The following CLMP variants were observed in gnomAD, a reference collection of about 807,000 sequenced individuals.
CLMP encodes the protein CXADR-like membrane protein.
In CLMP, 27 loss-of-function variants were observed where a neutral mutation model predicts 45.2. The ratio of observed to expected loss-of-function variants is 0.60; its 90% CI spans 0.44 to 0.82. CLMP has a LOEUF of 0.82. Among genes scored for constraint, CLMP ranks in the 40% least tolerant of loss-of-function variants. CLMP has a pLI of 0.00. For synonymous variants in CLMP, 167 were observed against 171.4 expected, an observed-to-expected ratio of 0.97 and a Z score of 0.20; for missense variants, 403 against 448.4, an observed-to-expected ratio of 0.90 and a Z score of 0.91.
At chr11:123,085,595 T>TAA (rs35921171) in intron 2 of CLMP, among the ~76,000 whole-genome samples, 36 of 82,086 alleles carry the variant, frequency 4.4e-4, no homozygotes, top group African/African-American at 1.0e-3. Flanking sequence ...GCTACAAAGA[T>TAA]AAAAAAAAAA....
chr11:123,127,847 G>A (rs1860921213), intron 1 of CLMP, among the ~76,000 whole-genome samples: 1 of 152,072 alleles, frequency 6.6e-6, no homozygotes, highest in African/African-American at 2.4e-5. Context: ...CACCAGCCTG[G>A]CCAACATGGC....
At chr11:123,171,822 T>G (rs958017349) in intron 1 of CLMP, among the ~76,000 whole-genome samples, 4 of 152,312 alleles carry the variant, frequency 2.6e-5, no homozygotes, top group Non-Finnish European at 5.9e-5. Context: ...TTTAGATGTT[T>G]AAAGTAATAC....
At chr11:123,110,983 A>G (rs565110710) in intron 1 of CLMP, among the ~76,000 whole-genome samples, 2 of 152,212 alleles carry the variant, frequency 1.3e-5, no homozygotes, top group South Asian at 2.1e-4. Context: ...TTTTCTAACT[A>G]TAATATTCTA....
chr11:123,150,480 A>AAGGAAGG (rs1565397435), intron 1 of CLMP, among the ~76,000 whole-genome samples: 84 of 40,874 alleles, frequency 2.1e-3, no homozygotes, highest in Middle Eastern at 0.023. Context: ...AGAAAGAAAG[A>AAGGAAGG]AAGGAAGGAA....
chr11:123,089,343 C>T (rs1224643269), intron 2 of CLMP, among the ~76,000 whole-genome samples: 1 of 151,396 alleles, frequency 6.6e-6, no homozygotes, highest in Non-Finnish European at 1.5e-5. Flanking sequence ...CGAGATCATG[C>T]CACTGCACTT....
intron 5 of CLMP, among the ~76,000 whole-genome samples, chr11:123,082,283 CAT>C (rs1400648187): frequency 6.6e-6 from 1 of 152,236 alleles, no homozygotes; most frequent in African/African-American, 2.4e-5. Context: ...GGCTAATTCA[CAT>C]GTTTGTAAAT....
In CLMP at chr11:123,142,749, C is replaced by T. The variant is rs553444283; in HGVS notation, c.29-44797G>A. ...TCACGCCATTCTCCTGCCTCAGCCT[C>T]CCGAGTAGCTGGGACTACAGGCGCC... On this transcript the variant is annotated intron_variant, in intron 1 of 6. Transcript: ENST00000448775. Among the ~76,000 whole-genome samples, 6 of 138,956 alleles carry T rather than the reference C, an allele frequency of 4.3e-5. No individual in the cohort carries two copies. In the East Asian group the frequency reaches 1.3e-3, roughly 29 times the overall value. The allele number at this position is 138,956 out of a possible 152,430, so 91.2% of individuals were successfully genotyped here. A position where few individuals can be genotyped will look rare whatever the true frequency, so the allele number is the denominator to read the frequency against.
chr11:123,171,996 A>T (rs547849920), intron 1 of CLMP, among the ~76,000 whole-genome samples: 14 of 152,040 alleles, frequency 9.2e-5, no homozygotes, highest in Non-Finnish European at 1.8e-4. Context: ...TAGAGATTTT[A>T]CTATACTGTA....
At chr11:123,105,180 G>C (rs1860524333) in intron 1 of CLMP, among the ~76,000 whole-genome samples, 1 of 152,176 alleles carries the variant, frequency 6.6e-6, no homozygotes, top group Non-Finnish European at 1.5e-5. Context: ...AGACACTGAG[G>C]AAAGCAGCTA....
chr11:123,161,115 T>G (rs1175663537), intron 1 of CLMP, among the ~76,000 whole-genome samples: 13 of 152,206 alleles, frequency 8.5e-5, no homozygotes, highest in Non-Finnish European at 2.9e-5. Flanking sequence ...TCCAAAGGTA[T>G]GTACTAGGTA....
chr11:123,119,493 A>G (rs530370232), intron 1 of CLMP, among the ~76,000 whole-genome samples: 25 of 152,284 alleles, frequency 1.6e-4, no homozygotes, highest in African/African-American at 5.8e-4. Flanking sequence ...CAAGTACTTT[A>G]ATATCTAAGA....
intron 1 of CLMP, among the ~76,000 whole-genome samples, chr11:123,104,328 G>A (rs912759874): frequency 1.3e-5 from 2 of 151,124 alleles, no homozygotes; most frequent in South Asian, 2.1e-4. Flanking sequence ...TGATCTGCCC[G>A]CCTCAGCCTC....
At chr11:123,131,606 T>G (rs1450367856) in intron 1 of CLMP, among the ~76,000 whole-genome samples, 1 of 147,662 alleles carries the variant, frequency 6.8e-6, no homozygotes, top group African/African-American at 2.6e-5. Context: ...TCTTTCTTTC[T>G]TTTTTCTTTT....
At chr11:123,188,630 C>A (rs1183047007) in intron 1 of CLMP, among the ~76,000 whole-genome samples, 1 of 152,174 alleles carries the variant, frequency 6.6e-6, no homozygotes. Flanking sequence ...AAGGAAACAG[C>A]TTTCTCCCCT....
Position 123,073,346 on chromosome 11 carries a change from G to A in CLMP, c.*128C>T, listed in dbSNP as rs747809664. The A allele has an allele frequency of 8.3e-5, 85 of 1,018,156 alleles. No homozygotes were observed. The highest frequency in any genetic ancestry group is 1.1e-4 in the Non-Finnish European group (76 of 686,520). The allele number at this position is 1,018,156 out of a possible 1,614,324, so 63.1% of individuals were successfully genotyped here. A position where few individuals can be genotyped will look rare whatever the true frequency, so the allele number is the denominator to read the frequency against. On this transcript the variant is annotated 3_prime_UTR_variant, in exon 7 of 7. Transcript: ENST00000448775. ...GAAAATGCTCATCTGAATCTGTTCC[G>A]TGCAATGCTCACTGCTACTTAGATG...
At chr11:123,169,123 G>A (rs1357593553) in intron 1 of CLMP, among the ~76,000 whole-genome samples, 1 of 152,120 alleles carries the variant, frequency 6.6e-6, no homozygotes, top group Non-Finnish European at 1.5e-5. Context: ...GAGGCAGCTG[G>A]GCTCCCCAAA....
At chr11:123,074,671 C>A in intron 6 of CLMP, 31 bp downstream of exon 6, 1 of 1,608,272 alleles carries the variant, frequency 6.2e-7, no homozygotes, top group Non-Finnish European at 8.5e-7. Flanking sequence ...AAAACAGAAG[C>A]CCCGTAAAAG....
chr11:123,150,523 G>GGAAA (rs1861315693), intron 1 of CLMP, among the ~76,000 whole-genome samples: 1 of 120,968 alleles, frequency 8.3e-6, no homozygotes, highest in Non-Finnish European at 1.7e-5. Context: ...AAGGAAGGAA[G>GGAAA]GAAGGAAAGA....
At chr11:123,129,278 C>T (rs557069054) in intron 1 of CLMP, among the ~76,000 whole-genome samples, 73 of 150,482 alleles carry the variant, frequency 4.9e-4, no homozygotes, top group African/African-American at 1.8e-3. Flanking sequence ...TGCAGTGAGC[C>T]GAGATTGTAC....
Sources: gnomAD v4.1 joint callset for allele counts (sites outside exome capture counted in the v4.1 genomes callset) on GRCh38, gnomAD v4.1.1 for gene constraint, MANE v1.5 for transcripts, NCBI Gene and HGNC (gene_info 2026-07-23, HGNC 2026-07-21) for gene names.